The following DNAH10 variants were observed in gnomAD, a reference collection of about 807,000 sequenced individuals.
DNAH10 encodes the protein axonemal beta dynein heavy chain 10.
Under a neutral mutation model 506.6 loss-of-function variants are expected in DNAH10, and 348 were observed. That is an observed-to-expected ratio of 0.69 (90% confidence interval 0.63 to 0.75). DNAH10 has a LOEUF of 0.75. Ranked by LOEUF, DNAH10 falls within the 30% of genes least tolerant of loss-of-function variation. The pLI is 0.00. For missense variants in DNAH10, 5,179 were observed against 5,787.1 expected (o/e 0.89, Z 3.41); for synonymous variants, 2,059 against 2,198.6 (o/e 0.94, Z 1.78).
chr12:123,810,546 AGCTGG>A (rs774986299), intron 19 of DNAH10, among the ~76,000 whole-genome samples: 2 of 152,130 alleles, frequency 1.3e-5, no homozygotes, highest in Non-Finnish European at 2.9e-5. Context: ...ACACAAAATT[AGCTGG>A]GCGTGGTGGC....
intron 27 of DNAH10, among the ~76,000 whole-genome samples, chr12:123,834,071 C>G (rs1381439527): frequency 6.6e-6 from 1 of 152,202 alleles, no homozygotes; most frequent in African/African-American, 2.4e-5. Context: ...AGGCCTGGTT[C>G]ACTGGCCAAC....
intron 52 of DNAH10, among the ~76,000 whole-genome samples, chr12:123,892,213 G>A (rs995720343): frequency 1.2e-4 from 19 of 152,200 alleles, no homozygotes; most frequent in African/African-American, 3.6e-4. Flanking sequence ...TCACAGTGCC[G>A]CAAGCTGTAC....
chr12:123,908,758 G>A (rs1953926893), intron 57 of DNAH10, among the ~76,000 whole-genome samples: 1 of 152,148 alleles, frequency 6.6e-6, no homozygotes, highest in South Asian at 2.1e-4. Context: ...CAGGATGCGG[G>A]GACCCCAGGC....
chr12:123,822,937 A>G (rs1235485856), intron 24 of DNAH10, among the ~76,000 whole-genome samples: 1 of 152,220 alleles, frequency 6.6e-6, no homozygotes, highest in East Asian at 1.9e-4. Flanking sequence ...GCAAACGCTC[A>G]TCTCACTCAG....
In DNAH10 at chr12:123,916,596, C is replaced by T; in HGVS notation, c.10862C>T (p.Ser3621Phe). 1 of 1,613,846 alleles carries T rather than the reference C, an allele frequency of 6.2e-7. No homozygotes were observed. The highest frequency in any genetic ancestry group is 8.5e-7 in the Non-Finnish European group (1 of 1,179,874). Residue 3621 changes from serine (S) to phenylalanine (F), a missense_variant, in exon 63 of 79, where the codon TCC becomes TTC. This residue lies in a region of DNAH10 where 4,844 missense variants were observed against 5,430.5 expected (regional missense o/e 0.89). Transcript: ENST00000673944. This position sits in a 1 kb window ranked among gnomAD's most constrained non-coding sequence, Gnocchi z 4.6. ...GTCTTAGAAAAAAATATAAAAGTCT[C>T]CCAAGGACGGCAGTTTATTATCCTG... ...DNVLEKNIKV[S>F]QGRQFIILGD... is the part of the protein sequence containing the mutation.
chr12:123,859,783 C>T (rs1188315965), intron 38 of DNAH10, among the ~76,000 whole-genome samples: 1 of 152,094 alleles, frequency 6.6e-6, no homozygotes, highest in African/African-American at 2.4e-5. Context: ...CCTGTAATCC[C>T]AGCACTTTGG....
intron 78 of DNAH10, 89 bp downstream of exon 78, chr12:123,934,855 T>C: frequency 1.3e-6 from 2 of 1,527,548 alleles, no homozygotes; most frequent in Non-Finnish European, 8.9e-7. Flanking sequence ...CAGTCCTACT[T>C]TTTAAAACAG....
Position 123,857,041 on chromosome 12 carries a change from T to C in DNAH10, c.6439-15T>C. On this transcript the variant is annotated splice_polypyrimidine_tract_variant and intron_variant, in intron 36 of 78. Coordinates refer to ENST00000673944, the MANE Select transcript of DNAH10 (RefSeq NM_001372106.1). ...TTTGGAAATCTCTTGGAAACATGTG[T>C]TTCATTTCCTGCAGGACGTGGTGCT... 1 of 1,597,130 alleles carries C rather than the reference T, an allele frequency of 6.3e-7. No homozygotes were observed. The highest frequency in any genetic ancestry group is 1.1e-5 in the South Asian group (1 of 88,028).
Position 123,903,875 on chromosome 12 carries a change from C to G in DNAH10, c.9815+762C>G, listed in dbSNP as rs1953649377. 6.6e-6 allele frequency among the ~76,000 whole-genome samples: 1 copy of G among 152,140 alleles called. No individual in the cohort carries two copies. The highest frequency in any genetic ancestry group is 1.5e-5 in the Non-Finnish European group (1 of 68,010). On this transcript the variant is annotated intron_variant, in intron 57 of 78. Coordinates refer to ENST00000673944, the MANE Select transcript of DNAH10 (RefSeq NM_001372106.1). The surrounding 1 kb of genome is among the most constrained non-coding windows in gnomAD (Gnocchi z 4.6). ...CTCGGCGTGGGAGCCTCAGCTCTCT[C>G]CTTCCCCACTCTTCATCCAGAAGGA...
chr12:123,832,384 C>T (rs552081082), intron 26 of DNAH10, among the ~76,000 whole-genome samples: 1 of 152,150 alleles, frequency 6.6e-6, no homozygotes, highest in Non-Finnish European at 1.5e-5. Context: ...CCAATATACA[C>T]AGGTACACAT....
At chr12:123,883,070 A>G (rs1181307712) in intron 51 of DNAH10, among the ~76,000 whole-genome samples, 1 of 151,504 alleles carries the variant, frequency 6.6e-6, no homozygotes. Flanking sequence ...TTTTTTTGCC[A>G]AATAGGAGGC....
Position 123,787,870 on chromosome 12 carries a change from G to T in DNAH10, c.1488G>T (p.Lys496Asn), listed in dbSNP as rs746846748. 7 of 1,613,902 alleles carry T rather than the reference G, an allele frequency of 4.3e-6. No individual in the cohort carries two copies. In the Admixed American group the frequency reaches 5.0e-5, roughly 12 times the overall value. ...GGAACACCCTCAGGCTGTGGAAAAA[G>T]GCCTATTTTGACACCCGGGCCAAGA... ...EARNTLRLWK[K>N]AYFDTRAKIE... The change falls in exon 10 of 79, where the codon AAG becomes AAT. Residue 496 changes from lysine to asparagine, a missense_variant. Coordinates refer to ENST00000673944, the MANE Select transcript of DNAH10 (RefSeq NM_001372106.1). The surrounding 1 kb of genome is among the most constrained non-coding windows in gnomAD (Gnocchi z 4.6).
Position 123,848,842 on chromosome 12 carries a change from C to T in DNAH10, c.6062C>T (p.Thr2021Met), listed in dbSNP as rs377607369. ...TCCGTGATCTCCTCCCAGATCCAGACGATCCGAAATGCTCTGATCCATCAG... is the reference window on the plus strand; with the variant it reads ...TCCGTGATCTCCTCCCAGATCCAGATGATCCGAAATGCTCTGATCCATCAG... ...VLSVISSQIQ[T>M]IRNALIHQLT... Residue 2021 changes from threonine to methionine, a missense_variant, in exon 34 of 79, where the codon ACG becomes ATG. Thr to Met is a moderately conservative substitution (Grantham distance 81). Around this residue, in one of 3 missense-constraint regions of DNAH10, gnomAD observed 4,844 missense variants for 5,430.5 expected, o/e 0.89. Transcript: ENST00000673944. The T allele has an allele frequency of 8.7e-6, 14 of 1,613,754 alleles. No homozygotes were observed. The highest frequency in any genetic ancestry group is 6.7e-5 in the East Asian group (3 of 44,896).
At chr12:123,877,234 C>G (rs1257763472) in intron 47 of DNAH10, among the ~76,000 whole-genome samples, 2 of 152,124 alleles carry the variant, frequency 1.3e-5, no homozygotes, top group Non-Finnish European at 2.9e-5. Context: ...CTTTCTGTGC[C>G]TGGCTTGCTT....
intron 15 of DNAH10, among the ~76,000 whole-genome samples, 160 bp from the exon 16 acceptor site, chr12:123,801,121 G>A (rs1958466513): frequency 6.6e-6 from 1 of 152,076 alleles, no homozygotes; most frequent in Non-Finnish European, 1.5e-5. Flanking sequence ...TTCCAAAAAA[G>A]AAAGTTAATG....
At chr12:123,805,436 G>C (rs564952511) in intron 18 of DNAH10, among the ~76,000 whole-genome samples, 1 of 152,194 alleles carries the variant, frequency 6.6e-6, no homozygotes, top group South Asian at 2.1e-4. Context: ...CGGTCTGTGC[G>C]TGTTGAATGC....
chr12:123,819,019 G>A lies in DNAH10; in HGVS notation c.3850G>A (p.Val1284Met), dbSNP rs766380345. ...SIWSNLFNDS[V>M]NVEHALGDIK... ...ATGGTCCAATCTGTTTAATGATTCA[G>A]TGAATGTGGAGCATGCTCTTGGGGA... Residue 1284 changes from valine to methionine, a missense_variant, in exon 22 of 79, where the codon GTG (valine) becomes ATG (methionine). Around this residue, in one of 3 missense-constraint regions of DNAH10, gnomAD observed 4,844 missense variants for 5,430.5 expected, o/e 0.89. Transcript: ENST00000673944. 4 of 1,607,336 alleles carry A rather than the reference G, an allele frequency of 2.5e-6. No homozygotes were observed. The highest frequency in any genetic ancestry group is 2.2e-5 in the East Asian group (1 of 44,806).
rs1391806538 is a variant in DNAH10 at position 123,766,830 on chromosome 12, C to T, written c.215-776C>T. On this transcript the variant is annotated intron_variant, in intron 1 of 78. Transcript: ENST00000673944. ...CCATAGAAAAAAGTAGTTGTACTCC[C>T]TTACTCTAATTTATGTAAATGTTAG... 4.6e-5 allele frequency among the ~76,000 whole-genome samples: 7 copies of T among 151,956 alleles called. No individual in the cohort carries two copies. In the South Asian group the frequency reaches 1.5e-3, roughly 32 times the overall value.
intron 2 of DNAH10, among the ~76,000 whole-genome samples, chr12:123,770,762 C>T (rs964733971): frequency 6.6e-6 from 1 of 152,104 alleles, no homozygotes; most frequent in African/African-American, 2.4e-5. Context: ...TGAGGGAAAG[C>T]TCCCAGGGAA....
Sources: allele counts gnomAD v4.1 joint callset (sites outside exome capture counted in the v4.1 genomes callset), GRCh38; gene constraint gnomAD v4.1.1; regional missense constraint gnomAD v4.1.1; non-coding constraint Gnocchi (gnomAD v3.1); transcripts MANE v1.5; gene names NCBI Gene and HGNC (gene_info 2026-07-23, HGNC 2026-07-21).